ERICH1: variants seen among roughly 807,000 people sequenced by gnomAD.
ERICH1 encodes the protein glutamate rich 1.
A neutral mutation model predicts 39.6 loss-of-function variants in ERICH1; 56 were observed. The observed-to-expected ratio is 1.41, with a 90% CI of 1.14 to 1.77. The LOEUF (loss-of-function observed/expected upper bound fraction) is 1.77. ERICH1 is among the 40% of genes most tolerant of loss of function. The pLI is 0.00. For synonymous variants in ERICH1, 313 were observed against 223.6 expected (o/e 1.40, Z -3.57); for missense variants, 826 against 575.4 (o/e 1.44, Z -4.45).
intron 2 of ERICH1, among the ~76,000 whole-genome samples, chr8:711,643 G>C (rs773984116): frequency 6.6e-6 from 1 of 151,926 alleles, no homozygotes; most frequent in Non-Finnish European, 1.5e-5. Flanking sequence ...GACTACAGGC[G>C]CCCGCCACCA....
At chr8:631,767 C>G (rs530812968) in intron 3 of ERICH1, among the ~76,000 whole-genome samples, 1 of 152,096 alleles carries the variant, frequency 6.6e-6, no homozygotes, top group Admixed American at 6.5e-5. Context: ...CTCAGCTTCC[C>G]GAGAACTGCC....
In ERICH1 at chr8:664,473, C is replaced by G; in HGVS notation, c.*130G>C. ...CAGATGGCATCTTGCCCACCAGGAACAAACACGTGAATAAATAATATGGCA... is the reference window on the plus strand; with the variant it reads ...CAGATGGCATCTTGCCCACCAGGAAGAAACACGTGAATAAATAATATGGCA... On this transcript the variant is annotated 3_prime_UTR_variant, in exon 6 of 6. Coordinates refer to ENST00000262109, the MANE Select transcript of ERICH1 (RefSeq NM_207332.3). 2 of 1,298,158 alleles carry G rather than the reference C, an allele frequency of 1.5e-6. No homozygotes were observed. Among genetic ancestry groups the G allele is most frequent in the Non-Finnish European group, 2.0e-6 (2 of 1,019,920 alleles). The allele number at this position is 1,298,158 out of a possible 1,614,324, so 80.4% of individuals were successfully genotyped here.
At chr8:697,732 A>C (rs567770281) in intron 2 of ERICH1, among the ~76,000 whole-genome samples, 2 of 134,512 alleles carry the variant, frequency 1.5e-5, no homozygotes, top group African/African-American at 2.8e-5. Context: ...CGCCCCTCTC[A>C]AGAGGGGAGG....
chr8:717,389 G>A (rs569967276), intron 1 of ERICH1, among the ~76,000 whole-genome samples: 9 of 152,142 alleles, frequency 5.9e-5, no homozygotes, highest in South Asian at 2.1e-4. Context: ...ATACCTGCCC[G>A]GCGGAGACAC....
At chr8:701,765 C>T (rs1202994917) in intron 2 of ERICH1, among the ~76,000 whole-genome samples, 2 of 152,122 alleles carry the variant, frequency 1.3e-5, no homozygotes, top group Non-Finnish European at 2.9e-5. Context: ...ATTATATCAA[C>T]TTCTAAACAA....
In ERICH1 at chr8:716,092, A is replaced by G. The variant is rs982345912; in HGVS notation, c.23-85T>C. ...GAATCACACGTGACTTTTACTCTAC[A>G]CAAACACACACATCCTGAAAGCACC... On this transcript the variant is annotated intron_variant, in intron 1 of 5. Coordinates refer to ENST00000262109, the MANE Select transcript of ERICH1 (RefSeq NM_207332.3). 6.1e-6 allele frequency: 9 copies of G among 1,463,438 alleles called. No individual in the cohort carries two copies. In the Admixed American group the frequency reaches 1.7e-4, roughly 27 times the overall value. The allele number at this position is 1,463,438 out of a possible 1,614,324, so 90.7% of individuals were successfully genotyped here. A position where few individuals can be genotyped will look rare whatever the true frequency, so the allele number is the denominator to read the frequency against.
chr8:641,964 G>A (rs899141593), intron 3 of ERICH1, among the ~76,000 whole-genome samples: 1 of 152,228 alleles, frequency 6.6e-6, no homozygotes, highest in African/African-American at 2.4e-5. Context: ...CTATTAAATT[G>A]TTAAAGAATA....
chr8:673,252 A>G, intron 4 of ERICH1, 37 bp downstream of exon 4: 1 of 1,546,572 alleles, frequency 6.5e-7, no homozygotes, highest in African/African-American at 1.4e-5. Flanking sequence ...TTTTAAGTGG[A>G]TGTCACTATG....
chr8:660,740 A>G (rs1801306646), downstream of ERICH1, among the ~76,000 whole-genome samples: 1 of 152,242 alleles, frequency 6.6e-6, no homozygotes, highest in African/African-American at 2.4e-5. Context: ...AAGAGATGAA[A>G]GAATGGCTGG....
At chr8:644,400 A>AGCTAAGAGCG (rs1799367164) in intron 3 of ERICH1, among the ~76,000 whole-genome samples, 1 of 71,972 alleles carries the variant, frequency 1.4e-5, no homozygotes, top group East Asian at 2.9e-4. Context: ...AAGTCAAGGA[A>AGCTAAGAGCG]GATTCTTTAG....
downstream of ERICH1, among the ~76,000 whole-genome samples, chr8:660,275 T>G (rs1471789932): frequency 6.6e-6 from 1 of 152,246 alleles, no homozygotes; most frequent in African/African-American, 2.4e-5. Context: ...GGCTTGGCAG[T>G]TGTTATTGTA....
At chr8:638,448 G>A (rs1434972613) in intron 3 of ERICH1, among the ~76,000 whole-genome samples, 1 of 152,184 alleles carries the variant, frequency 6.6e-6, no homozygotes, top group African/African-American at 2.4e-5. Context: ...CCTGAAAGGA[G>A]GGCAGTTGAT....
At position 648,694 on chromosome 8, in the gene ERICH1, G is replaced by A. The variant is rs1386392199; in HGVS notation, c.976+19904C>T. 2.9e-5 allele frequency among the ~76,000 whole-genome samples: 2 copies of A among 68,020 alleles called. 1 individual carries two copies. The highest frequency in any genetic ancestry group is 9.2e-5 in the Non-Finnish European group (2 of 21,850). The allele number at this position is 68,020 out of a possible 152,430, so 44.6% of individuals were successfully genotyped here. On this transcript the variant is annotated intron_variant, in intron 3 of 3. Transcript: ENST00000522706. ...GCCAAAATGCATCTTAAATGCAGAA[G>A]AGCAAATCATGCTTCTGTGTTTTGC...
At chr8:653,478 T>C (rs1038914764) in intron 3 of ERICH1, among the ~76,000 whole-genome samples, 1 of 152,242 alleles carries the variant, frequency 6.6e-6, no homozygotes, top group Non-Finnish European at 1.5e-5. Flanking sequence ...CCAATCCAGC[T>C]GTTCTGTACC....
rs964740641 is a variant in ERICH1 at position 617,180 on chromosome 8, G to A, written c.977-1896C>T. On this transcript the variant is annotated intron_variant, in intron 3 of 3. Coordinates refer to the ERICH1 transcript ENST00000522706. ...GTCCACTCAGGGCACAGGCGGTGGG[G>A]ACCACACGATTCCAAGAGGCACTGA... Among the ~76,000 whole-genome samples the A allele has an allele frequency of 2.0e-5, 3 of 152,064 alleles. No homozygotes were observed. In the East Asian group the frequency reaches 5.8e-4, roughly 29 times the overall value.
Position 715,966 on chromosome 8 carries a change from G to A in ERICH1, c.64C>T (p.Pro22Ser). 1 of 1,613,428 alleles carries A rather than the reference G, an allele frequency of 6.2e-7. No individual in the cohort carries two copies. The highest frequency in any genetic ancestry group is 8.5e-7 in the Non-Finnish European group (1 of 1,179,794). ...KVLQRLFPPV[P>S]SGQGKREPQT... ...GGTTCCCTCTTTCCTTGGCCACTTG[G>A]AACAGGAGGAAAAAGTCTCTGCAGC... The change falls in exon 2 of 6, where the codon CCA becomes TCA. Residue 22 changes from proline to serine, a missense_variant. Coordinates refer to ENST00000262109, the MANE Select transcript of ERICH1 (RefSeq NM_207332.3).
intron 3 of ERICH1, among the ~76,000 whole-genome samples, chr8:633,477 C>G (rs1046079): frequency 6.6e-6 from 1 of 152,140 alleles, no homozygotes; most frequent in African/African-American, 2.4e-5. Context: ...TTAAAGCCCT[C>G]AAAACAATAT....
chr8:699,776 C>T (rs1430994519), intron 2 of ERICH1, among the ~76,000 whole-genome samples: 1 of 99,270 alleles, frequency 1.0e-5, no homozygotes, highest in African/African-American at 3.5e-5. Context: ...GCCGCACAGA[C>T]CCGCACACGC....
chr8:691,627 G>A (rs974373723), intron 3 of ERICH1, among the ~76,000 whole-genome samples: 1 of 152,174 alleles, frequency 6.6e-6, no homozygotes, highest in Non-Finnish European at 1.5e-5. Context: ...TAATAATTGT[G>A]TTTCAAAGAT....
Sources: allele counts gnomAD v4.1 joint callset (sites outside exome capture counted in the v4.1 genomes callset), GRCh38; gene constraint gnomAD v4.1.1; transcripts MANE v1.5; gene names NCBI Gene and HGNC (gene_info 2026-07-23, HGNC 2026-07-21).